UBE2E2: variants seen among roughly 807,000 people sequenced by gnomAD.
UBE2E2 encodes ubiquitin conjugating enzyme E2 E2.
UBE2E2 carries 6 observed loss-of-function variants against 24.7 expected under a neutral mutation model. The ratio of observed to expected loss-of-function variants is 0.24; its 90% CI spans 0.13 to 0.48. The LOEUF is 0.48. Ranked by LOEUF, UBE2E2 falls within the 20% of genes least tolerant of loss-of-function variation. The probability of loss-of-function intolerance (pLI) is 0.99; values close to 1 mark genes in which losing one functional copy is unlikely to be tolerated. For synonymous variants in UBE2E2, 104 were observed against 83.6 expected, an observed-to-expected ratio of 1.24 and a Z score of -1.33; for missense variants, 169 against 245.0, an observed-to-expected ratio of 0.69 and a Z score of 2.07.
intron 5 of UBE2E2, among the ~76,000 whole-genome samples, chr3:23,554,442 G>C (rs547242000): frequency 6.6e-6 from 1 of 152,128 alleles, no homozygotes; most frequent in East Asian, 1.9e-4. Flanking sequence ...TTGAGCCCAG[G>C]AGTTAGAGGT....
chr3:23,228,600 G>T (rs1222766457), intron 3 of UBE2E2, among the ~76,000 whole-genome samples: 4 of 151,940 alleles, frequency 2.6e-5, no homozygotes, highest in Admixed American at 6.6e-5. Context: ...AAATTTTTTA[G>T]TATATTTTAA....
intron 3 of UBE2E2, among the ~76,000 whole-genome samples, chr3:23,337,761 G>A (rs1272635143): frequency 6.6e-6 from 1 of 152,190 alleles, no homozygotes; most frequent in Non-Finnish European, 1.5e-5. Flanking sequence ...AATATTGAGT[G>A]ACTTGAAGCT....
In UBE2E2 at chr3:23,575,490, A is replaced by G. The variant is rs139114232; in HGVS notation, c.509-14244A>G. Among the ~76,000 whole-genome samples the G allele has an allele frequency of 4.5e-3, 678 of 152,296 alleles. 14 individuals carry two copies. Among genetic ancestry groups the G allele is most frequent in the Middle Eastern group, 0.01 (3 of 294 alleles). On this transcript the variant is annotated intron_variant, in intron 5 of 5. Transcript: ENST00000396703. ...AAAGTGTTCCTTCATATTAGAAAAA[A>G]TGGACTAAGGACATGAACAAAATAC...
In UBE2E2 at chr3:23,474,298, G is replaced by A. The variant is rs1264090358; in HGVS notation, c.228-25310G>A. ...GATTCTGGATATTAGTCCTTTGTCA[G>A]ATGTATAGATTTTGAAGATTTTTCC... On this transcript the variant is annotated intron_variant, in intron 3 of 5. Transcript: ENST00000396703. This position sits in a 1 kb window ranked among gnomAD's most constrained non-coding sequence, Gnocchi z 4.0. Among the ~76,000 whole-genome samples, 1 of 152,018 alleles carries A rather than the reference G, an allele frequency of 6.6e-6. No individual in the cohort carries two copies. The highest frequency in any genetic ancestry group is 1.9e-4 in the East Asian group (1 of 5,188).
At chr3:23,548,859 A>G (rs1695578958) in intron 5 of UBE2E2, among the ~76,000 whole-genome samples, 1 of 152,162 alleles carries the variant, frequency 6.6e-6, no homozygotes, top group African/African-American at 2.4e-5. Flanking sequence ...ACCAATATAT[A>G]ATCTTGGAAT....
At chr3:23,212,829 A>G (rs1471738946) in intron 2 of UBE2E2, among the ~76,000 whole-genome samples, 3 of 152,098 alleles carry the variant, frequency 2.0e-5, no homozygotes, top group East Asian at 1.9e-4. Flanking sequence ...TATGTGCACA[A>G]TTATTGATGG....
Position 23,295,090 on chromosome 3 carries a change from T to C in UBE2E2, c.227+77778T>C, listed in dbSNP as rs191730883. ...GTGTTCATCTCTTCTTCTGTTGTTATTGCTATTTTCCATCTCTAGTCCTTT... is the reference window on the plus strand; with the variant it reads ...GTGTTCATCTCTTCTTCTGTTGTTACTGCTATTTTCCATCTCTAGTCCTTT... On this transcript the variant is annotated intron_variant, in intron 3 of 5. Coordinates refer to ENST00000396703, the MANE Select transcript of UBE2E2 (RefSeq NM_152653.4). Among the ~76,000 whole-genome samples, 69 of 152,348 alleles carry C rather than the reference T, an allele frequency of 4.5e-4. 5 individuals are homozygous for C. The highest frequency in any genetic ancestry group is 1.5e-3 in the African/African-American group (64 of 41,586).
chr3:23,565,906 T>G (rs564223016), intron 5 of UBE2E2, among the ~76,000 whole-genome samples: 1 of 152,308 alleles, frequency 6.6e-6, no homozygotes, highest in East Asian at 1.9e-4. Context: ...TTTCTGAGAT[T>G]GGTCTCCCTA....
intron 3 of UBE2E2, among the ~76,000 whole-genome samples, chr3:23,476,433 G>T (rs1699140048): frequency 1.3e-5 from 2 of 152,120 alleles, no homozygotes; most frequent in South Asian, 4.1e-4. Context: ...AGTGGTTCAT[G>T]CCTGTGATCT....
At position 23,280,112 on chromosome 3, in the gene UBE2E2, T is replaced by C. The variant is rs1370658379; in HGVS notation, c.227+62800T>C. Among the ~76,000 whole-genome samples, 6 of 152,222 alleles carry C rather than the reference T, an allele frequency of 3.9e-5. No individual in the cohort carries two copies. The highest frequency in any genetic ancestry group is 2.0e-4 in the Admixed American group (3 of 15,284). On this transcript the variant is annotated intron_variant, in intron 3 of 5. Transcript: ENST00000396703. This position sits in a 1 kb window ranked among gnomAD's most constrained non-coding sequence, Gnocchi z 4.3. The stretch of plus-strand genomic sequence containing the variant: ...CACGGTAAGGTTCAAATTACTGATA[T>C]CACATTCTTTTTTGAGGAAGCTTTT...
At chr3:23,284,717 T>C (rs967338447) in intron 3 of UBE2E2, among the ~76,000 whole-genome samples, 9 of 151,836 alleles carry the variant, frequency 5.9e-5, no homozygotes, top group Non-Finnish European at 1.0e-4. Context: ...GGTGATTATA[T>C]ATATATATTT....
intron 3 of UBE2E2, among the ~76,000 whole-genome samples, chr3:23,491,678 G>A (rs996143200): frequency 6.6e-6 from 1 of 152,200 alleles, no homozygotes; most frequent in Non-Finnish European, 1.5e-5. Context: ...AATTCTTTAT[G>A]AAAGACTTTG....
rs577200406 is a variant in UBE2E2, at chr3:23,265,208, A to C, written c.227+47896A>C. ...TGGAGAAGGAAGAATTGAAGATTAG[A>C]AAAGCAGTAATGATTGATGCTGCAA... On this transcript the variant is annotated intron_variant, in intron 3 of 5. Transcript: ENST00000396703. Among the ~76,000 whole-genome samples the C allele has an allele frequency of 3.9e-5, 6 of 152,328 alleles. No homozygotes were observed. In the East Asian group the frequency reaches 1.2e-3, roughly 29 times the overall value.
chr3:23,522,498 A>G (rs184301668), intron 4 of UBE2E2, among the ~76,000 whole-genome samples: 49 of 152,292 alleles, frequency 3.2e-4, no homozygotes, highest in African/African-American at 1.1e-3. Context: ...TAAATTTTTT[A>G]AAGACTTGTT....
chr3:23,365,286 A>G (rs568876188), intron 3 of UBE2E2, among the ~76,000 whole-genome samples: 1 of 152,308 alleles, frequency 6.6e-6, no homozygotes, highest in Non-Finnish European at 1.5e-5. Flanking sequence ...GCAATCAGGC[A>G]AGAGAAGAGC....
intron 3 of UBE2E2, among the ~76,000 whole-genome samples, chr3:23,277,255 A>G (rs1302251608): frequency 6.6e-6 from 1 of 152,200 alleles, no homozygotes; most frequent in Non-Finnish European, 1.5e-5. Flanking sequence ...TCACAGTGAC[A>G]TATAAAGCTA....
chr3:23,579,285 T>A (rs1329874195), intron 5 of UBE2E2, among the ~76,000 whole-genome samples: 1 of 150,404 alleles, frequency 6.6e-6, no homozygotes, highest in African/African-American at 2.5e-5. Flanking sequence ...CTCAGGAGGC[T>A]GAGGCAGGAG....
intron 3 of UBE2E2, among the ~76,000 whole-genome samples, chr3:23,236,470 G>C (rs17401836): frequency 6.7e-6 from 1 of 150,218 alleles, no homozygotes; most frequent in African/African-American, 2.4e-5. Flanking sequence ...ATGCTTTTGA[G>C]GATTCTTAGG....
chr3:23,220,857 A>G (rs1242991584), intron 3 of UBE2E2, among the ~76,000 whole-genome samples: 1 of 152,230 alleles, frequency 6.6e-6, no homozygotes, highest in Non-Finnish European at 1.5e-5. Flanking sequence ...GTTAAAAGCA[A>G]GATCTTAGAT....
Sources: allele counts gnomAD v4.1 joint callset (sites outside exome capture counted in the v4.1 genomes callset), GRCh38; gene constraint gnomAD v4.1.1; non-coding constraint Gnocchi (gnomAD v3.1); transcripts MANE v1.5; gene names NCBI Gene and HGNC (gene_info 2026-07-23, HGNC 2026-07-21).